Variants in CNTNAP2 observed in about 807,000 individuals in gnomAD.
CNTNAP2 encodes the protein contactin associated protein 2, also known as contactin-associated protein-like 2.
A neutral mutation model predicts 155.2 loss-of-function variants in CNTNAP2; 98 were observed. The ratio of observed to expected loss-of-function variants is 0.63; its 90% confidence interval spans 0.54 to 0.75. CNTNAP2 has a LOEUF of 0.75. Ranked by LOEUF, CNTNAP2 falls within the 30% of genes least tolerant of loss-of-function variation. CNTNAP2 has a pLI of 0.00. For synonymous variants in CNTNAP2, 651 were observed against 631.2 expected (o/e 1.03, Z -0.47); for missense variants, 1,727 against 1,688.1 (o/e 1.02, Z -0.40).
intron 15 of CNTNAP2, among the ~76,000 whole-genome samples, chr7:147,984,485 A>T (rs1400859522): frequency 2.0e-5 from 3 of 152,164 alleles, no homozygotes; most frequent in African/African-American, 7.2e-5. Context: ...GAATCTACCT[A>T]GTTCCAAAGT....
chr7:148,328,984 A>G, intron 21 of CNTNAP2, among the ~76,000 whole-genome samples: 1 of 138,910 alleles, frequency 7.2e-6, no homozygotes, highest in African/African-American at 3.1e-5. Flanking sequence ...TGGAAAAAAA[A>G]AAAAAAAAAA....
intron 1 of CNTNAP2, among the ~76,000 whole-genome samples, chr7:146,498,077 G>A (rs1282108814): frequency 6.6e-6 from 1 of 152,108 alleles, no homozygotes; most frequent in Non-Finnish European, 1.5e-5. Flanking sequence ...CATGTAGTCT[G>A]TGTAGATAAA....
chr7:147,211,873 A>G (rs1603452), intron 8 of CNTNAP2, among the ~76,000 whole-genome samples: 152,131 of 152,284 alleles, frequency 1, 75,989 homozygotes, highest in Middle Eastern at 1. Context: ...ACAACCTACA[A>G]AATGGGAGAC....
intron 13 of CNTNAP2, among the ~76,000 whole-genome samples, chr7:147,713,629 C>A (rs765822280): frequency 1.3e-5 from 2 of 152,116 alleles, no homozygotes; most frequent in Admixed American, 6.6e-5. Context: ...TTTGAACATA[C>A]GTTTTCATTT....
intron 1 of CNTNAP2, among the ~76,000 whole-genome samples, chr7:146,557,955 A>G (rs941955997): frequency 5.0e-4 from 76 of 152,330 alleles, no homozygotes; most frequent in Admixed American, 4.2e-3. Context: ...ATTTTCAAAC[A>G]CTTATTAGCA....
chr7:148,374,811 A>C (rs1798953518), intron 21 of CNTNAP2, among the ~76,000 whole-genome samples: 1 of 152,226 alleles, frequency 6.6e-6, no homozygotes, highest in Admixed American at 6.5e-5. Flanking sequence ...GTTTCCCAGC[A>C]GCAAATAGCC....
chr7:147,737,451 G>A (rs1444560384), intron 13 of CNTNAP2, among the ~76,000 whole-genome samples: 1 of 152,144 alleles, frequency 6.6e-6, no homozygotes, highest in Non-Finnish European at 1.5e-5. Context: ...GTGCCTCCCA[G>A]TTTGGCTACT....
chr7:146,304,602 C>T (rs1027920152), intron 1 of CNTNAP2, among the ~76,000 whole-genome samples: 3 of 152,102 alleles, frequency 2.0e-5, no homozygotes, highest in Admixed American at 2.0e-4. Flanking sequence ...TTGGCCCCCA[C>T]TCTCTGCTGG....
chr7:147,339,205 T>A (rs75566214), intron 9 of CNTNAP2, among the ~76,000 whole-genome samples: 9 of 58,120 alleles, frequency 1.5e-4, no homozygotes, highest in Admixed American at 1.4e-3. Flanking sequence ...CCAAAAAAAA[T>A]GATATTAAAA....
At position 147,684,337 on chromosome 7, in the gene CNTNAP2, A is replaced by G. The variant is rs79040441; in HGVS notation, c.2098+45031A>G. On this transcript the variant is annotated intron_variant, in intron 13 of 23. Transcript: ENST00000361727. ...TGCTTTATCACCATGGATTTTAAAC[A>G]CACTGAAGAAAATAATTTCTACCCC... Among the ~76,000 whole-genome samples the G allele has an allele frequency of 4.6e-5, 7 of 152,004 alleles. No homozygotes were observed. The East Asian group carries it at 1.4e-3, about 29-fold the overall frequency.
intron 3 of CNTNAP2, among the ~76,000 whole-genome samples, chr7:146,844,149 A>T (rs763531530): frequency 5.3e-5 from 8 of 152,132 alleles, no homozygotes; most frequent in African/African-American, 9.6e-5. Flanking sequence ...GCAAAGAACA[A>T]GTCATATATA....
intron 13 of CNTNAP2, among the ~76,000 whole-genome samples, chr7:147,740,929 C>T (rs1796946180): frequency 6.6e-6 from 1 of 151,512 alleles, no homozygotes; most frequent in African/African-American, 2.4e-5. Context: ...CTCAGGTGTC[C>T]TCAGGAGTGT....
At chr7:147,436,638 T>C (rs371364930) in intron 10 of CNTNAP2, among the ~76,000 whole-genome samples, 21 of 152,144 alleles carry the variant, frequency 1.4e-4, no homozygotes, top group African/African-American at 4.8e-4. Context: ...CAGCCTGAGC[T>C]CAACTCCACT....
chr7:146,838,929 T>C (rs1803668008), intron 2 of CNTNAP2, among the ~76,000 whole-genome samples: 1 of 152,214 alleles, frequency 6.6e-6, no homozygotes, highest in African/African-American at 2.4e-5. Context: ...CCATATTTTC[T>C]GTAACTTATT....
intron 22 of CNTNAP2, among the ~76,000 whole-genome samples, chr7:148,385,739 T>TTTTTTTGTTTGTTTGTTTG (rs1799177639): frequency 1.2e-4 from 3 of 24,710 alleles, no homozygotes; most frequent in African/African-American, 7.0e-4. Context: ...GTGACAGGTT[T>TTTTTTTGTTTGTTTGTTTG]TTTTTTTTTT....
rs77954819 is a variant in CNTNAP2 at position 147,607,066 on chromosome 7, T to C, written c.1898-32040T>C. 1.9e-4 allele frequency among the ~76,000 whole-genome samples: 29 copies of C among 152,326 alleles called. 1 individual carries two copies. In the East Asian group the frequency reaches 5.2e-3, roughly 27 times the overall value. ...GGTTTTCTTTCTCCAAAAAGCTATT[T>C]CTAGCTAATTATCCTCACTAAGGAA... On this transcript the variant is annotated intron_variant, in intron 12 of 23. Transcript: ENST00000361727.
chr7:148,142,212 C>G (rs1805089387), intron 16 of CNTNAP2, among the ~76,000 whole-genome samples: 1 of 150,680 alleles, frequency 6.6e-6, no homozygotes, highest in Non-Finnish European at 1.5e-5. Context: ...GGATGGCATC[C>G]CGTGTATAGG....
chr7:146,522,996 T>G (rs1448294906), intron 1 of CNTNAP2, among the ~76,000 whole-genome samples: 2 of 151,948 alleles, frequency 1.3e-5, no homozygotes, highest in Admixed American at 1.3e-4. Context: ...TATTTTTATT[T>G]TATAAAATTT....
chr7:147,396,047 A>G (rs1420461990), intron 10 of CNTNAP2, among the ~76,000 whole-genome samples: 3 of 148,198 alleles, frequency 2.0e-5, no homozygotes, highest in Non-Finnish European at 4.5e-5. Flanking sequence ...TATATGTGCT[A>G]TATGAGATAT....
Sources: allele counts gnomAD v4.1 joint callset (sites outside exome capture counted in the v4.1 genomes callset), GRCh38; gene constraint gnomAD v4.1.1; transcripts MANE v1.5; gene names NCBI Gene and HGNC (gene_info 2026-07-23, HGNC 2026-07-21).